Variants in IGF1R observed in about 807,000 individuals in gnomAD.
IGF1R encodes insulin-like growth factor 1 receptor.
IGF1R carries 44 observed loss-of-function variants against 144.6 expected under a neutral mutation model. The ratio of observed to expected loss-of-function variants is 0.30; its 90% confidence interval spans 0.24 to 0.39. The LOEUF is 0.39. Ranked by LOEUF, IGF1R falls within the 10% of genes least tolerant of loss-of-function variation. The probability of loss-of-function intolerance (pLI) is 1.00; values close to 1 mark genes in which losing one functional copy is unlikely to be tolerated. For missense variants in IGF1R, 1,355 were observed against 1,833.7 expected, an observed-to-expected ratio of 0.74 and a Z score of 4.77; for synonymous variants, 795 against 722.8, an observed-to-expected ratio of 1.10 and a Z score of -1.60.
chr15:98,748,643 C>G (rs574040393), intron 2 of IGF1R, among the ~76,000 whole-genome samples: 6 of 152,288 alleles, frequency 3.9e-5, no homozygotes, highest in African/African-American at 1.4e-4. Flanking sequence ...ACTGTAGGAT[C>G]TAAAACAAAT....
At chr15:98,871,155 T>C (rs2012764363) in intron 2 of IGF1R, among the ~76,000 whole-genome samples, 1 of 152,226 alleles carries the variant, frequency 6.6e-6, no homozygotes, top group South Asian at 2.1e-4. Context: ...ACCTGGGAAG[T>C]CATAATGGCA....
intron 2 of IGF1R, among the ~76,000 whole-genome samples, chr15:98,785,325 G>C (rs1447762215): frequency 6.6e-6 from 1 of 152,170 alleles, no homozygotes; most frequent in East Asian, 1.9e-4. Flanking sequence ...TTTTGGACTT[G>C]AGTTTCTTTA....
Position 98,806,139 on chromosome 15 carries a change from C to A in IGF1R, c.641-85186C>A, listed in dbSNP as rs547321938. On this transcript the variant is annotated intron_variant, in intron 2 of 20. Coordinates refer to ENST00000650285, the MANE Select transcript of IGF1R (RefSeq NM_000875.5). Reference sequence around the variant, plus strand: ...GTTGAAATTAGAACGGCCTCACTCACCTGGGCTCACAAAATTCCAGAAAGT... The same window carrying A: ...GTTGAAATTAGAACGGCCTCACTCAACTGGGCTCACAAAATTCCAGAAAGT... Among the ~76,000 whole-genome samples, 32 of 152,284 alleles carry A rather than the reference C, an allele frequency of 2.1e-4. No individual in the cohort carries two copies. The East Asian group carries it at 6.2e-3, about 29-fold the overall frequency.
intron 1 of IGF1R, among the ~76,000 whole-genome samples, chr15:98,674,150 A>G (rs534263625): frequency 2.0e-5 from 3 of 152,272 alleles, no homozygotes; most frequent in East Asian, 3.9e-4. Flanking sequence ...TTAAAATACT[A>G]CTATACAGGA....
chr15:98,709,968 G>C (rs1386006012), intron 2 of IGF1R, among the ~76,000 whole-genome samples: 2 of 152,170 alleles, frequency 1.3e-5, no homozygotes, highest in Non-Finnish European at 2.9e-5. Context: ...TGCATTCTGG[G>C]TCCAAGTCTA....
intron 17 of IGF1R, among the ~76,000 whole-genome samples, chr15:98,937,052 A>C (rs1019604504): frequency 8.6e-5 from 13 of 151,934 alleles, no homozygotes; most frequent in Non-Finnish European, 8.8e-5. Context: ...CGCCCACCTA[A>C]TTTTTGTATT....
intron 2 of IGF1R, among the ~76,000 whole-genome samples, chr15:98,769,739 A>G (rs141196484): frequency 3.3e-5 from 5 of 152,208 alleles, no homozygotes; most frequent in Non-Finnish European, 7.4e-5. Context: ...TGACATGGTT[A>G]TTTTCTGTAT....
chr15:98,804,799 G>A (rs1485649069), intron 2 of IGF1R, among the ~76,000 whole-genome samples: 1 of 152,170 alleles, frequency 6.6e-6, no homozygotes, highest in Non-Finnish European at 1.5e-5. Flanking sequence ...CCCAGTTCAA[G>A]CAATTCTGCC....
chr15:98,893,934 G>A (rs1400727059), intron 3 of IGF1R, among the ~76,000 whole-genome samples: 2 of 152,024 alleles, frequency 1.3e-5, no homozygotes, highest in African/African-American at 4.8e-5. Context: ...TTTTCATCTT[G>A]TTTATACCTT....
At chr15:98,744,472 T>C (rs1281686342) in intron 2 of IGF1R, among the ~76,000 whole-genome samples, 1 of 151,810 alleles carries the variant, frequency 6.6e-6, no homozygotes, top group Non-Finnish European at 1.5e-5. Context: ...GGGGAGGAAC[T>C]GAAGAAGTAG....
At chr15:98,801,543 A>G (rs2056363789) in intron 2 of IGF1R, among the ~76,000 whole-genome samples, 1 of 152,140 alleles carries the variant, frequency 6.6e-6, no homozygotes, top group Admixed American at 6.5e-5. Context: ...CCTTTCCTTG[A>G]TGATCGAGCT....
rs550945764 is a variant in IGF1R at position 98,771,347 on chromosome 15, C to T, written c.640+63240C>T. On this transcript the variant is annotated intron_variant, in intron 2 of 20. Transcript: ENST00000650285. ...GTTTTCCTGTACATTGTCTTCCTCT[C>T]TCCCTTCTGGTACCCATTCCACCCT... 2.0e-5 allele frequency among the ~76,000 whole-genome samples: 3 copies of T among 152,304 alleles called. No individual in the cohort carries two copies. The South Asian group carries it at 6.2e-4, about 32-fold the overall frequency.
At position 98,960,835 on chromosome 15, in the gene IGF1R, G is replaced by A. The variant is rs1007422329; in HGVS notation, c.*3393G>A. On this transcript the variant is annotated 3_prime_UTR_variant, in exon 21 of 21. Coordinates refer to ENST00000650285, the MANE Select transcript of IGF1R (RefSeq NM_000875.5). ...CTTCTCCCTCACCTCCTTCCCTAGG[G>A]GTAGACAGAGATGTACCAAACCTTC... is the stretch of plus-strand genomic sequence containing the variant. The A allele has an allele frequency of 4.3e-6, 1 of 233,648 alleles. No individual in the cohort carries two copies. The allele number at this position is 233,648 out of a possible 1,614,324, so 14.5% of individuals were successfully genotyped here.
intron 1 of IGF1R, among the ~76,000 whole-genome samples, chr15:98,665,590 T>C (rs907661076): frequency 4.6e-5 from 7 of 152,206 alleles, no homozygotes; most frequent in South Asian, 2.1e-4. Context: ...AGCCAAAATT[T>C]AGGGCACAGG....
rs2151744636 is a variant in IGF1R, at chr15:98,960,832, A to AG, written c.*3394dup. The AG allele has an allele frequency of 4.3e-6, 1 of 233,622 alleles. No individual in the cohort carries two copies. Among genetic ancestry groups the AG allele is most frequent in the African/African-American group, 2.2e-5 (1 of 45,416 alleles). The allele number at this position is 233,622 out of a possible 1,614,324, so 14.5% of individuals were successfully genotyped here. A position where few individuals can be genotyped will look rare whatever the true frequency, so the allele number is the denominator to read the frequency against. Reference sequence around the variant, plus strand: ...CAACTTCTCCCTCACCTCCTTCCCTAGGGGTAGACAGAGATGTACCAAACC... The same window carrying AG: ...CAACTTCTCCCTCACCTCCTTCCCTAGGGGGTAGACAGAGATGTACCAAACC... On this transcript the variant is annotated 3_prime_UTR_variant, in exon 21 of 21. Coordinates refer to ENST00000650285, the MANE Select transcript of IGF1R (RefSeq NM_000875.5).
intron 2 of IGF1R, among the ~76,000 whole-genome samples, chr15:98,785,124 T>C (rs2141402836): frequency 6.6e-6 from 1 of 152,370 alleles, no homozygotes; most frequent in East Asian, 1.9e-4. Flanking sequence ...TAAAATTCAA[T>C]TTTGCAACTG....
intron 15 of IGF1R, 90 bp downstream of exon 15, chr15:98,930,395 GT>G: frequency 1.2e-6 from 1 of 831,494 alleles, no homozygotes; most frequent in East Asian, 2.6e-5. Flanking sequence ...AAGGAAGGAG[GT>G]TTGCATTATT....
At chr15:98,786,498 C>T (rs2056000786) in intron 2 of IGF1R, among the ~76,000 whole-genome samples, 2 of 152,234 alleles carry the variant, frequency 1.3e-5, no homozygotes, top group African/African-American at 4.8e-5. Context: ...CAAGTGCCTT[C>T]CAGCTCAGTG....
intron 1 of IGF1R, among the ~76,000 whole-genome samples, chr15:98,674,134 CATATTTTAAA>C (rs59684511): frequency 0.75 from 113,124 of 151,742 alleles, 46,610 homozygotes; most frequent in Non-Finnish European, 0.9. Flanking sequence ...GGGTTTCAGA[CATATTTTAAA>C]ATACTACTAT....
Sources: gnomAD v4.1 joint callset for allele counts (sites outside exome capture counted in the v4.1 genomes callset) on GRCh38, gnomAD v4.1.1 for gene constraint, MANE v1.5 for transcripts, NCBI Gene and HGNC (gene_info 2026-07-23, HGNC 2026-07-21) for gene names.